The following RANBP2 variants were observed in gnomAD, a reference collection of about 807,000 sequenced individuals.
RANBP2 encodes the protein RAN binding protein 2, also known as E3 SUMO-protein ligase RanBP2.
In RANBP2, 57 loss-of-function variants were observed where a neutral mutation model predicts 303.6. The ratio of observed to expected loss-of-function variants is 0.19; its 90% CI spans 0.15 to 0.23. The LOEUF is 0.23. RANBP2 is among the 10% of genes least tolerant of loss of function. RANBP2 has a pLI of 1.00. For missense variants in RANBP2, 3,138 were observed against 3,780.8 expected, an observed-to-expected ratio of 0.83 and a Z score of 4.46; for synonymous variants, 1,167 against 1,301.5, an observed-to-expected ratio of 0.90 and a Z score of 2.23.
the RANBP2 span, among the ~76,000 whole-genome samples, chr2:109,478,694 GGA>G: frequency 7.2e-5 from 11 of 152,186 alleles, no homozygotes; most frequent in East Asian, 1.3e-3. Flanking sequence ...GGTGGGGAAG[GGA>G]GAGAGGGGGA....
the RANBP2 span, among the ~76,000 whole-genome samples, chr2:109,675,750 C>A: frequency 1.3e-5 from 2 of 152,162 alleles, no homozygotes; most frequent in African/African-American, 4.8e-5. Flanking sequence ...GTAGCCCAGG[C>A]CTCCTTCCTT....
the RANBP2 span, among the ~76,000 whole-genome samples, chr2:109,593,829 G>A: frequency 2.0e-5 from 3 of 151,992 alleles, no homozygotes; most frequent in Non-Finnish European, 2.9e-5. Flanking sequence ...GGGAAAGCAG[G>A]GATTTTATAA....
the RANBP2 span, chr2:109,130,138 G>A: frequency 7.8e-7 from 1 of 1,282,866 alleles, no homozygotes; most frequent in Non-Finnish European, 9.8e-7. Flanking sequence ...CGGCGGAAGT[G>A]GCCACGGCAC....
Position 108,771,754 on chromosome 2 carries a change from G to C in RANBP2, c.7903G>C (p.Val2635Leu). 1 of 1,613,882 alleles carries C rather than the reference G, an allele frequency of 6.2e-7. No individual in the cohort carries two copies. The highest frequency in any genetic ancestry group is 8.5e-7 in the Non-Finnish European group (1 of 1,179,922). ...TCCCTCAGATGATGATGTTCTCATT[G>C]TATATGAACTAACTCCAACCGCTGA... ...DSPSDDDVLI[V>L]YELTPTAEQK... The change falls in exon 21 of 29, where the codon GTA becomes CTA. Residue 2635 changes from valine to leucine, a missense_variant. Around this residue, in one of 20 missense-constraint regions of RANBP2, gnomAD observed 497 missense variants for 465.8 expected, o/e 1.07. Transcript: ENST00000283195.
chr2:108,894,196 A>AGAT, the RANBP2 span, among the ~76,000 whole-genome samples: 4 of 152,368 alleles, frequency 2.6e-5, no homozygotes, highest in South Asian at 2.1e-4. Context: ...ACACAGAAAT[A>AGAT]GATAAGTGAT....
At position 108,730,618 on chromosome 2, in the gene RANBP2, A is replaced by G. The variant is rs537258504; in HGVS notation, c.141-156A>G. 1.7e-3 allele frequency among the ~76,000 whole-genome samples: 255 copies of G among 152,342 alleles called. 1 individual carries two copies. The highest frequency in any genetic ancestry group is 2.6e-3 in the Non-Finnish European group (175 of 68,034). ...GTGTTTTTAAGTATTATCTATTTCTATGAGTACTTCTGAGTTATCTGTATG... is the reference window on the plus strand; with the variant it reads ...GTGTTTTTAAGTATTATCTATTTCTGTGAGTACTTCTGAGTTATCTGTATG... On this transcript the variant is annotated intron_variant, in intron 2 of 28. Coordinates refer to ENST00000283195, the MANE Select transcript of RANBP2 (RefSeq NM_006267.5).
At chr2:109,403,807 G>A in the RANBP2 span, among the ~76,000 whole-genome samples, 3 of 152,184 alleles carry the variant, frequency 2.0e-5, no homozygotes, top group African/African-American at 4.8e-5. Flanking sequence ...CCTTGCACCT[G>A]CAACCTTGGG....
chr2:108,928,306 C>A, the RANBP2 span, among the ~76,000 whole-genome samples: 2 of 152,202 alleles, frequency 1.3e-5, no homozygotes, highest in African/African-American at 4.8e-5. Context: ...GGCATCACCT[C>A]CACAAATCTC....
chr2:108,794,871 G>A, the RANBP2 span: 3 of 624,670 alleles, frequency 4.8e-6, no homozygotes, highest in East Asian at 2.9e-5. Flanking sequence ...CAAATTATAG[G>A]GACTAATGAA....
At chr2:108,910,414 T>C in the RANBP2 span, 1 of 1,507,420 alleles carries the variant, frequency 6.6e-7, no homozygotes, top group South Asian at 1.1e-5. Flanking sequence ...CTGCTCAGGA[T>C]CCACAGGACC....
At chr2:109,363,557 G>A in the RANBP2 span, among the ~76,000 whole-genome samples, 623 of 152,102 alleles carry the variant, frequency 4.1e-3, 3 homozygotes, top group African/African-American at 0.014. Context: ...TCTCTGGTGC[G>A]TTGCCTTTCT....
chr2:109,449,265 C>T, the RANBP2 span: 1 of 1,612,466 alleles, frequency 6.2e-7, no homozygotes, highest in South Asian at 1.1e-5. Context: ...TGCCACCAGC[C>T]TCAGGCCCCA....
At chr2:109,629,302 G>GAGATATAT in the RANBP2 span, among the ~76,000 whole-genome samples, 1 of 77,706 alleles carries the variant, frequency 1.3e-5, no homozygotes, top group South Asian at 4.5e-4. Context: ...CTGGCCTAAA[G>GAGATATAT]ATATATATAT....
At chr2:109,536,062 G>A in the RANBP2 span, among the ~76,000 whole-genome samples, 1 of 114,102 alleles carries the variant, frequency 8.8e-6, no homozygotes, top group Non-Finnish European at 1.8e-5. Context: ...TGGGGGGGGG[G>A]TCTCTCATGG....
chr2:109,372,455 C>T, the RANBP2 span, among the ~76,000 whole-genome samples: 1 of 152,196 alleles, frequency 6.6e-6, no homozygotes, highest in Non-Finnish European at 1.5e-5. Context: ...CAGCGTCATC[C>T]CATAAGAGTG....
the RANBP2 span, among the ~76,000 whole-genome samples, chr2:109,505,063 C>T: frequency 1.3e-5 from 2 of 152,332 alleles, no homozygotes; most frequent in Non-Finnish European, 2.9e-5. Flanking sequence ...GAGACCAGCA[C>T]TCTCCTGGTC....
the RANBP2 span, among the ~76,000 whole-genome samples, chr2:108,936,944 T>C: frequency 1.3e-5 from 2 of 152,228 alleles, no homozygotes; most frequent in East Asian, 3.9e-4. Context: ...ATTTCCATTT[T>C]GCACTGGGTC....
At chr2:109,301,307 G>T in the RANBP2 span, among the ~76,000 whole-genome samples, 1 of 149,258 alleles carries the variant, frequency 6.7e-6, no homozygotes, top group African/African-American at 2.5e-5. Context: ...TGTGTATGTG[G>T]TGGGGGGCGG....
chr2:108,741,491 T>C (rs1322618131), intron 7 of RANBP2, among the ~76,000 whole-genome samples: 15 of 110,656 alleles, frequency 1.4e-4, no homozygotes, highest in East Asian at 3.4e-4. Context: ...CCACTGCGCC[T>C]GGCCTTTTTT....
Sources: gnomAD v4.1 joint callset for allele counts (sites outside exome capture counted in the v4.1 genomes callset) on GRCh38, gnomAD v4.1.1 for gene constraint, gnomAD v4.1.1 regional missense constraint, MANE v1.5 for transcripts, NCBI Gene and HGNC (gene_info 2026-07-23, HGNC 2026-07-21) for gene names.